EPHA3: variants seen among roughly 807,000 people sequenced by gnomAD.
The protein encoded by EPHA3 is EPH receptor A3, also known as ephrin type-A receptor 3.
EPHA3 carries 42 observed loss-of-function variants against 107.1 expected under a neutral mutation model. That is an observed-to-expected ratio of 0.39 (90% CI 0.31 to 0.51). The LOEUF (loss-of-function observed/expected upper bound fraction) is 0.51. Ranked by LOEUF, EPHA3 falls within the 20% of genes least tolerant of loss-of-function variation. The pLI is 0.78. For synonymous variants in EPHA3, 461 were observed against 424.8 expected, an observed-to-expected ratio of 1.09 and a Z score of -1.05; for missense variants, 1,183 against 1,211.2, an observed-to-expected ratio of 0.98 and a Z score of 0.35.
intron 3 of EPHA3, among the ~76,000 whole-genome samples, chr3:89,315,870 A>G (rs892130609): frequency 2.0e-5 from 3 of 151,812 alleles, no homozygotes; most frequent in African/African-American, 7.2e-5. Flanking sequence ...GAAAGTTAGG[A>G]CCTGGATCCC....
intron 2 of EPHA3, among the ~76,000 whole-genome samples, chr3:89,184,872 G>A (rs954627825): frequency 2.6e-5 from 4 of 152,018 alleles, no homozygotes; most frequent in African/African-American, 9.7e-5. Flanking sequence ...CTGCTCCCAG[G>A]ACTAAATAGT....
intron 13 of EPHA3, among the ~76,000 whole-genome samples, chr3:89,440,564 T>C (rs1485325672): frequency 6.6e-6 from 1 of 152,228 alleles, no homozygotes. Flanking sequence ...TCAGTTAAGC[T>C]CCTGAAAAAT....
intron 3 of EPHA3, among the ~76,000 whole-genome samples, chr3:89,241,307 A>G (rs1465383649): frequency 2.0e-5 from 3 of 152,170 alleles, no homozygotes; most frequent in Admixed American, 2.0e-4. Context: ...AAATCAGCCA[A>G]TCAGTGTTGA....
chr3:89,169,969 C>A (rs1361732240), intron 2 of EPHA3, among the ~76,000 whole-genome samples: 1 of 152,068 alleles, frequency 6.6e-6, no homozygotes, highest in East Asian at 1.9e-4. Context: ...ATAGCCTCGG[C>A]GGGGCGCGGT....
chr3:89,313,785 A>G (rs1706826607), intron 3 of EPHA3, among the ~76,000 whole-genome samples: 1 of 151,934 alleles, frequency 6.6e-6, no homozygotes, highest in African/African-American at 2.4e-5. Context: ...ATAAAAGCAA[A>G]AATTATCACT....
In EPHA3 at chr3:89,210,077, A is replaced by G. The variant is rs202143347; in HGVS notation, c.371A>G (p.Tyr124Cys). 1.2e-6 allele frequency: 2 copies of G among 1,614,060 alleles called. No homozygotes were observed. Among genetic ancestry groups the G allele is most frequent in the Admixed American group, 1.7e-5 (1 of 60,002 alleles). Residue 124 changes from tyrosine (Y) to cysteine (C), a missense_variant, in exon 3 of 17, where the codon TAC becomes TGC. Tyr to Cys is a radical substitution (Grantham distance 194). Coordinates refer to ENST00000336596, the MANE Select transcript of EPHA3 (RefSeq NM_005233.6). Reference sequence around the variant, plus strand: ...TGCAAGGAGACATTCAACCTGTACTACATGGAGTCTGATGATGATCATGGG... The same window carrying G: ...TGCAAGGAGACATTCAACCTGTACTGCATGGAGTCTGATGATGATCATGGG... ...GTCKETFNLYYMESDDDHGVK... is the reference protein window; with the variant it reads ...GTCKETFNLYCMESDDDHGVK...
chr3:89,305,729 C>T (rs193148550), intron 3 of EPHA3, among the ~76,000 whole-genome samples: 9 of 152,196 alleles, frequency 5.9e-5, no homozygotes, highest in Non-Finnish European at 1.3e-4. Context: ...TTCACATTAT[C>T]GCTTTCCCAT....
At chr3:89,121,857 A>C (rs554902614) in intron 1 of EPHA3, among the ~76,000 whole-genome samples, 1 of 152,262 alleles carries the variant, frequency 6.6e-6, no homozygotes, top group Admixed American at 6.5e-5. Flanking sequence ...GGTAGATAAA[A>C]GTTATGTTGC....
chr3:89,349,454 T>C, intron 5 of EPHA3, among the ~76,000 whole-genome samples: 1 of 145,624 alleles, frequency 6.9e-6, no homozygotes, highest in African/African-American at 2.6e-5. Context: ...CCTTTTTTTG[T>C]TTTCCATTTG....
At chr3:89,164,686 GAAAGGATCTCCAGATTATTCAATGAAAGT>G (rs776855341) in intron 2 of EPHA3, among the ~76,000 whole-genome samples, 2 of 152,084 alleles carry the variant, frequency 1.3e-5, no homozygotes, top group Non-Finnish European at 2.9e-5. Context: ...GTAGGCCAAG[GAAAGGATCTCCAGATTATTCAATGAAAGT>G]ATATGCTTTT....
chr3:89,453,673 G>T (rs1553695604), intron 15 of EPHA3, among the ~76,000 whole-genome samples: 1 of 152,034 alleles, frequency 6.6e-6, no homozygotes, highest in Non-Finnish European at 1.5e-5. Context: ...ATGTCAAGAA[G>T]TTTTTTTCTC....
intron 5 of EPHA3, among the ~76,000 whole-genome samples, chr3:89,357,982 A>G (rs1708003040): frequency 1.3e-5 from 2 of 151,318 alleles, no homozygotes; most frequent in African/African-American, 4.8e-5. Context: ...TGGCTAGAAG[A>G]AGAACTAGGT....
intron 2 of EPHA3, among the ~76,000 whole-genome samples, chr3:89,134,228 A>ATTT (rs1559746542): frequency 1.3e-5 from 2 of 150,802 alleles, no homozygotes; most frequent in African/African-American, 4.9e-5. Flanking sequence ...TTTTTTTAAA[A>ATTT]AAATTATACT....
intron 3 of EPHA3, among the ~76,000 whole-genome samples, chr3:89,269,920 GC>G (rs1258911795): frequency 6.6e-6 from 1 of 151,692 alleles, no homozygotes; most frequent in Non-Finnish European, 1.5e-5. Context: ...TAAATTCTCT[GC>G]CTTTGACTCA....
intron 5 of EPHA3, among the ~76,000 whole-genome samples, chr3:89,342,977 C>T (rs994954173): frequency 6.6e-6 from 1 of 152,162 alleles, no homozygotes; most frequent in Non-Finnish European, 1.5e-5. Context: ...CTCCAGTTCT[C>T]TCCCAGGTGG....
intron 3 of EPHA3, among the ~76,000 whole-genome samples, chr3:89,306,019 T>G (rs1706612011): frequency 6.6e-6 from 1 of 152,170 alleles, no homozygotes; most frequent in Admixed American, 6.5e-5. Context: ...CAGATGTGGC[T>G]ATAAACGTCT....
chr3:89,295,374 T>C (rs1424778580), intron 3 of EPHA3, among the ~76,000 whole-genome samples: 1 of 108,242 alleles, frequency 9.2e-6, no homozygotes, highest in Admixed American at 8.1e-5. Context: ...TGGTGGTTGC[T>C]GAAGGGTGGC....
At chr3:89,301,756 AT>A (rs1706496069) in intron 3 of EPHA3, among the ~76,000 whole-genome samples, 1 of 152,070 alleles carries the variant, frequency 6.6e-6, no homozygotes, top group Admixed American at 6.6e-5. Context: ...ATGTATTCTA[AT>A]TTTTTATTCT....
At chr3:89,456,918 G>A (rs1472886749) in intron 15 of EPHA3, among the ~76,000 whole-genome samples, 3 of 152,166 alleles carry the variant, frequency 2.0e-5, no homozygotes, top group African/African-American at 7.2e-5. Flanking sequence ...GGTACCAGAT[G>A]TAGCTTCCAT....
Sources: allele counts gnomAD v4.1 joint callset (sites outside exome capture counted in the v4.1 genomes callset), GRCh38; gene constraint gnomAD v4.1.1; transcripts MANE v1.5; gene names NCBI Gene and HGNC (gene_info 2026-07-23, HGNC 2026-07-21).